The following LSS variants were observed in gnomAD, a reference collection of about 807,000 sequenced individuals.
The protein encoded by LSS is 2,3-epoxysqualene-lanosterol cyclase.
LSS carries 90 observed loss-of-function variants against 110.3 expected under a neutral mutation model. The observed-to-expected ratio is 0.82, with a 90% CI of 0.69 to 0.97. LSS has a LOEUF of 0.97. Ranked by LOEUF, LSS falls within the 50% of genes least tolerant of loss-of-function variation. The pLI is 0.00. For missense variants in LSS, 927 were observed against 990.0 expected (o/e 0.94, Z 0.85); for synonymous variants, 433 against 400.0 (o/e 1.08, Z -0.98).
chr21:46,212,915 G>A (rs1569029481), intron 11 of LSS, 110 bp downstream of exon 11: 26 of 1,351,350 alleles, frequency 1.9e-5, no homozygotes, highest in Non-Finnish European at 2.4e-5. Context: ...CTAGTCGCAC[G>A]CTGCCGGGAC....
In LSS at chr21:46,188,906, T is replaced by C. The variant is rs190535596; in HGVS notation, c.*2198A>G. 2 of 403,468 alleles carry C rather than the reference T, an allele frequency of 5.0e-6. No homozygotes were observed. The highest frequency in any genetic ancestry group is 6.1e-5 in the Admixed American group (2 of 32,950). 25.0% of individuals were successfully genotyped at this position (403,468 alleles called of 1,614,324 possible). ...TTATTTATCTTCCTGGATATGCTTA[T>C]GGCCTTTAAAACATATTAAAATAGG... On this transcript the variant is annotated 3_prime_UTR_variant, in exon 22 of 22. Transcript: ENST00000397728.
chr21:46,218,572 C>T (rs538082404), intron 6 of LSS, among the ~76,000 whole-genome samples: 1 of 152,006 alleles, frequency 6.6e-6, no homozygotes, highest in Non-Finnish European at 1.5e-5. Flanking sequence ...TGCAGTGACC[C>T]CAAATCACGC....
intron 11 of LSS, among the ~76,000 whole-genome samples, chr21:46,211,413 G>T (rs905116613): frequency 6.6e-6 from 1 of 152,208 alleles, no homozygotes; most frequent in African/African-American, 2.4e-5. Flanking sequence ...ACAGGCGTGA[G>T]CCACCGCACC....
At chr21:46,207,643 C>T in intron 14 of LSS, 66 bp from the exon 15 acceptor site, 1 of 1,523,318 alleles carries the variant, frequency 6.6e-7, no homozygotes, top group Non-Finnish European at 8.9e-7. Flanking sequence ...AACCTCCCCA[C>T]AGCCGCACGC....
In LSS at chr21:46,217,586, C is replaced by T. The variant is rs79377823; in HGVS notation, c.648-1062G>A. Among the ~76,000 whole-genome samples, 227 of 152,268 alleles carry T rather than the reference C, an allele frequency of 1.5e-3. 1 individual carries two copies. The East Asian group carries it at 0.033, about 22-fold the overall frequency. On this transcript the variant is annotated intron_variant, in intron 6 of 21. Transcript: ENST00000397728. ...ATTTTGGGTTACACTTCCAGCATTT[C>T]GCAGCTGGAGTGGTTCAGGTCTGTG...
At position 46,228,490 on chromosome 21, in the gene LSS, C is replaced by A; in HGVS notation, c.124G>T (p.Glu42Ter). The change falls in exon 2 of 22, where the codon GAG (glutamate) becomes TAG (stop). Residue 42 changes from glutamate (E) to a stop codon, truncating the protein, a stop_gained. Coordinates refer to ENST00000397728, the MANE Select transcript of LSS (RefSeq NM_002340.6). LOFTEE classifies it high-confidence loss of function. ...GRQTWTYLQD[E>*]RAGREQTGLE... ...CCGGTCTGCTCGCGGCCGGCGCGCT[C>A]GTCCTGCAGGTAGGTCCACGTCTGC... is the stretch of plus-strand genomic sequence containing the variant. 2 of 1,603,246 alleles carry A rather than the reference C, an allele frequency of 1.2e-6. No homozygotes were observed. The highest frequency in any genetic ancestry group is 8.5e-7 in the Non-Finnish European group (1 of 1,179,566).
At chr21:46,221,550 G>A (rs1004828116) in intron 5 of LSS, among the ~76,000 whole-genome samples, 1 of 152,132 alleles carries the variant, frequency 6.6e-6, no homozygotes, top group African/African-American at 2.4e-5. Flanking sequence ...TAGAGACCAG[G>A]TCTCACTATG....
Position 46,210,701 on chromosome 21 carries a change from T to C in LSS, c.1181A>G (p.Gln394Arg), listed in dbSNP as rs1569028126. 1 of 1,614,022 alleles carries C rather than the reference T, an allele frequency of 6.2e-7. No individual in the cohort carries two copies. Among genetic ancestry groups the C allele is most frequent in the Non-Finnish European group, 8.5e-7 (1 of 1,180,006 alleles). Residue 394 changes from glutamine (Q) to arginine (R), a missense_variant, in exon 12 of 22, where the codon CAG becomes CGG. By Grantham distance (43) the Gln-to-Arg change is conservative (BLOSUM62 1). Coordinates refer to ENST00000397728, the MANE Select transcript of LSS (RefSeq NM_002340.6). ...GGAGCCACGAACCTCAAGCAGAGCCTGGATGGCGAATGCGGTGTCCCAGAT... is the reference window on the plus strand; with the variant it reads ...GGAGCCACGAACCTCAAGCAGAGCCCGGATGGCGAATGCGGTGTCCCAGAT... ...SQIWDTAFAI[Q>R]ALLEAGGHHR... is the part of the protein sequence containing the mutation.
At chr21:46,217,746 C>A (rs1467802722) in intron 6 of LSS, among the ~76,000 whole-genome samples, 3 of 152,188 alleles carry the variant, frequency 2.0e-5, no homozygotes, top group Admixed American at 1.3e-4. Flanking sequence ...CCAGCACCAG[C>A]GTGTGGAACC....
chr21:46,218,615 C>G (rs1247168972), intron 6 of LSS, among the ~76,000 whole-genome samples: 1 of 151,986 alleles, frequency 6.6e-6, no homozygotes. Flanking sequence ...CAAAGCTAGA[C>G]TCCGTCTCAA....
chr21:46,188,864 T>C lies in LSS; in HGVS notation c.*2240A>G. ...GCAGTGAAAGAAAGTTCCTCCTATG[T>C]GGACATTGTATCACGTTTATTTATC... On this transcript the variant is annotated 3_prime_UTR_variant, in exon 22 of 22. Transcript: ENST00000397728. 1 of 449,038 alleles carries C rather than the reference T, an allele frequency of 2.2e-6. No homozygotes were observed. Among genetic ancestry groups the C allele is most frequent in the Non-Finnish European group, 4.7e-6 (1 of 214,072 alleles). 27.8% of individuals were successfully genotyped at this position (449,038 alleles called of 1,614,324 possible). A position where few individuals can be genotyped will look rare whatever the true frequency, so the allele number is the denominator to read the frequency against.
chr21:46,205,776 G>A lies in LSS; in HGVS notation c.1670+60C>T, dbSNP rs868786487. On this transcript the variant is annotated intron_variant, in intron 17 of 21. Coordinates refer to ENST00000397728, the MANE Select transcript of LSS (RefSeq NM_002340.6). ...CCAGGGCCGTGTCACAGAATGATGCGTCTGGGTCTTGGCCCCCGACTTGGC... is the reference window on the plus strand; with the variant it reads ...CCAGGGCCGTGTCACAGAATGATGCATCTGGGTCTTGGCCCCCGACTTGGC... 2.5e-5 allele frequency: 34 copies of A among 1,337,566 alleles called. 1 individual carries two copies. In the Middle Eastern group the frequency reaches 1.1e-3, roughly 43 times the overall value. 82.9% of individuals were successfully genotyped at this position (1,337,566 alleles called of 1,614,324 possible).
intron 6 of LSS, among the ~76,000 whole-genome samples, chr21:46,217,275 A>G (rs1397323348): frequency 6.9e-6 from 1 of 145,126 alleles, no homozygotes; most frequent in Non-Finnish European, 1.5e-5. Flanking sequence ...AAAAGAAAGA[A>G]AAAAGAAACT....
At chr21:46,222,209 C>T in intron 4 of LSS, 2 of 569,376 alleles carry the variant, frequency 3.5e-6, no homozygotes, top group South Asian at 2.1e-5. Context: ...TGCTCTACAC[C>T]TTCCCACGCC....
intron 9 of LSS, among the ~76,000 whole-genome samples, chr21:46,214,931 T>G: frequency 6.6e-6 from 1 of 151,058 alleles, no homozygotes; most frequent in Non-Finnish European, 1.5e-5. Flanking sequence ...CCAGGCACAC[T>G]GAGGACAAGA....
At chr21:46,215,112 CT>C (rs1352228238) in intron 9 of LSS, 67 bp downstream of exon 9, 29 of 1,350,292 alleles carry the variant, frequency 2.1e-5, no homozygotes, top group African/African-American at 2.9e-5. Context: ...ACAGCCCGGC[CT>C]CTAGGACTTC....
chr21:46,196,298 C>A lies in LSS; in HGVS notation c.1671-31G>T, dbSNP rs1479430896. 1.9e-6 allele frequency: 3 copies of A among 1,583,268 alleles called. No individual in the cohort carries two copies. In the African/African-American group the frequency reaches 4.0e-5, roughly 21 times the overall value. ...ACACGAGATTGGTCCAGTGAACATT[C>A]TGGTAAAACAGCAGTTTACCTATCC... On this transcript the variant is annotated intron_variant, in intron 17 of 21. Coordinates refer to ENST00000397728, the MANE Select transcript of LSS (RefSeq NM_002340.6).
At position 46,214,676 on chromosome 21, in the gene LSS, C is replaced by T. The variant is rs150507631; in HGVS notation, c.1011+504G>A. Among the ~76,000 whole-genome samples, 457 of 152,310 alleles carry T rather than the reference C, an allele frequency of 3.0e-3. 3 individuals are homozygous for T. Among genetic ancestry groups the T allele is most frequent in the Non-Finnish European group, 5.1e-3 (349 of 68,020 alleles). On this transcript the variant is annotated intron_variant, in intron 9 of 21. Coordinates refer to ENST00000397728, the MANE Select transcript of LSS (RefSeq NM_002340.6). Reference sequence around the variant, plus strand: ...GCCCGGGAATTGCACCCTCTAAGGTCACTGAACTGGCCACACCTGGACCCC... The same window carrying T: ...GCCCGGGAATTGCACCCTCTAAGGTTACTGAACTGGCCACACCTGGACCCC...
At chr21:46,194,403 C>T (rs1332453991) in intron 20 of LSS, 88 bp downstream of exon 20, 2 of 1,504,056 alleles carry the variant, frequency 1.3e-6, no homozygotes, top group African/African-American at 1.4e-5. Context: ...CTCCTCTCTA[C>T]ATTCACTCAG....
Sources: allele counts gnomAD v4.1 joint callset (sites outside exome capture counted in the v4.1 genomes callset), GRCh38; gene constraint gnomAD v4.1.1; transcripts MANE v1.5; gene names NCBI Gene and HGNC (gene_info 2026-07-23, HGNC 2026-07-21).